Variants in CHN2 observed in about 807,000 individuals in gnomAD.
CHN2 encodes chimerin 2.
A neutral mutation model predicts 56.3 loss-of-function variants in CHN2; 35 were observed. That is an observed-to-expected ratio of 0.62 (90% confidence interval 0.47 to 0.82). The LOEUF (loss-of-function observed/expected upper bound fraction) is 0.82. Among genes scored for constraint, CHN2 ranks in the 40% least tolerant of loss-of-function variants. CHN2 has a pLI of 0.00. For synonymous variants in CHN2, 210 were observed against 212.8 expected, an observed-to-expected ratio of 0.99 and a Z score of 0.12; for missense variants, 491 against 580.5, an observed-to-expected ratio of 0.85 and a Z score of 1.58.
chr7:29,375,044 C>T (rs543937566), intron 3 of CHN2, among the ~76,000 whole-genome samples: 4 of 151,576 alleles, frequency 2.6e-5, no homozygotes, highest in Non-Finnish European at 2.9e-5. Context: ...TGTGCCACCA[C>T]ACCCAGCTAA....
intron 2 of CHN2, among the ~76,000 whole-genome samples, chr7:29,160,728 T>C (rs572181958): frequency 1.3e-5 from 2 of 152,262 alleles, no homozygotes; most frequent in East Asian, 3.9e-4. Flanking sequence ...AAACCACATA[T>C]GCACTGAGGC....
intron 1 of CHN2, among the ~76,000 whole-genome samples, chr7:29,323,929 G>A (rs551305510): frequency 6.2e-4 from 94 of 152,142 alleles, no homozygotes; most frequent in African/African-American, 2.0e-3. Context: ...GCGTGAACCC[G>A]GGAGGCGGAG....
chr7:29,336,100 C>T (rs549099037), intron 1 of CHN2: 5 of 152,214 alleles, frequency 3.3e-5, no homozygotes, highest in African/African-American at 9.6e-5. Context: ...GCTAATGGGC[C>T]GTTTGCCTAC....
At chr7:29,310,164 T>A (rs188275886) in intron 1 of CHN2, among the ~76,000 whole-genome samples, 3 of 152,160 alleles carry the variant, frequency 2.0e-5, no homozygotes, top group Non-Finnish European at 1.5e-5. Flanking sequence ...AAATCAAGTA[T>A]GTGGACAAAG....
rs61063244 is a variant in CHN2 at position 29,259,326 on chromosome 7, CAA to C, written c.49+64345_49+64346del. The stretch of plus-strand genomic sequence containing the variant: ...TGGGTGACGGACTGAGACCTTGTCT[CAA>C]AAAAAAAACCCAAACAAACAAACAT... On this transcript the variant is annotated intron_variant, in intron 1 of 12. Transcript: ENST00000222792. Among the ~76,000 whole-genome samples, 10 of 147,136 alleles carry C rather than the reference CAA, an allele frequency of 6.8e-5. No homozygotes were observed. The South Asian group carries it at 1.3e-3, about 19-fold the overall frequency.
intron 1 of CHN2, among the ~76,000 whole-genome samples, chr7:29,264,609 G>A (rs1345401079): frequency 2.0e-5 from 3 of 152,118 alleles, no homozygotes; most frequent in Admixed American, 6.5e-5. Flanking sequence ...GATGCTTGAA[G>A]GCAGCATACT....
At chr7:29,306,921 G>C (rs1794213940) in intron 1 of CHN2, among the ~76,000 whole-genome samples, 1 of 152,192 alleles carries the variant, frequency 6.6e-6, no homozygotes, top group Non-Finnish European at 1.5e-5. Flanking sequence ...GAAGCATGTG[G>C]AATAATTAGC....
At chr7:29,349,929 T>C (rs987245626) in intron 1 of CHN2, among the ~76,000 whole-genome samples, 2 of 152,334 alleles carry the variant, frequency 1.3e-5, no homozygotes, top group South Asian at 2.1e-4. Flanking sequence ...CTATTTCCAG[T>C]ACCTTGTATC....
intron 3 of CHN2, among the ~76,000 whole-genome samples, chr7:29,382,412 T>C (rs777618328): frequency 1.3e-5 from 2 of 152,220 alleles, no homozygotes; most frequent in African/African-American, 2.4e-5. Flanking sequence ...GAACAAGTTT[T>C]GTCCCGTAGC....
rs553108252 is a variant in CHN2 at position 29,163,991 on chromosome 7, T to A, written c.274+17031T>A. ...GCTGCTGTTAACATTCGTGGACAAG[T>A]CCTTATGTGGACATATGCTTTCGTT... is the stretch of plus-strand genomic sequence containing the variant. On this transcript the variant is annotated intron_variant, in intron 2 of 6. Coordinates refer to the CHN2 transcript ENST00000439384. 2.6e-5 allele frequency among the ~76,000 whole-genome samples: 4 copies of A among 152,362 alleles called. No homozygotes were observed. In the East Asian group the frequency reaches 7.7e-4, roughly 29 times the overall value.
At chr7:29,156,127 GAAAACCAT>G (rs1443940221) in intron 2 of CHN2, among the ~76,000 whole-genome samples, 5 of 152,210 alleles carry the variant, frequency 3.3e-5, no homozygotes, top group African/African-American at 4.8e-5. Context: ...GAGAAAACTG[GAAAACCAT>G]ATATTTACTT....
At chr7:29,275,875 A>G (rs1211665697) in intron 1 of CHN2, among the ~76,000 whole-genome samples, 2 of 152,110 alleles carry the variant, frequency 1.3e-5, no homozygotes, top group Non-Finnish European at 2.9e-5. Context: ...GCAGGTTGCA[A>G]TGTTGTGCTC....
intron 6 of CHN2, among the ~76,000 whole-genome samples, chr7:29,422,505 C>T (rs1173608231): frequency 2.0e-5 from 3 of 152,244 alleles, no homozygotes; most frequent in Non-Finnish European, 4.4e-5. Flanking sequence ...CCTGGCCACT[C>T]TCTGAGCAAA....
intron 1 of CHN2, among the ~76,000 whole-genome samples, chr7:29,229,178 TA>T (rs1786469999): frequency 1.3e-5 from 2 of 151,978 alleles, no homozygotes; most frequent in Non-Finnish European, 2.9e-5. Context: ...AAGGATGAGA[TA>T]AAAGAGTGAC....
chr7:29,295,379 C>A (rs544306851), intron 1 of CHN2, among the ~76,000 whole-genome samples: 26 of 149,422 alleles, frequency 1.7e-4, no homozygotes, highest in Non-Finnish European at 3.0e-4. Flanking sequence ...AAGATTATAT[C>A]ATACTTTTTT....
intron 6 of CHN2, among the ~76,000 whole-genome samples, chr7:29,413,716 A>G (rs114922846): frequency 1.5e-3 from 221 of 152,352 alleles, no homozygotes; most frequent in African/African-American, 5.0e-3. Flanking sequence ...ACGAACAGCC[A>G]GTTGCTAGAA....
intron 1 of CHN2, among the ~76,000 whole-genome samples, chr7:29,239,973 C>T (rs1428246317): frequency 6.6e-6 from 1 of 152,114 alleles, no homozygotes; most frequent in Non-Finnish European, 1.5e-5. Flanking sequence ...TAGACATTGG[C>T]AACTAACTCA....
chr7:29,280,472 G>T (rs1202973739), intron 1 of CHN2, among the ~76,000 whole-genome samples: 1 of 152,146 alleles, frequency 6.6e-6, no homozygotes, highest in Non-Finnish European at 1.5e-5. Context: ...GCTTGAGTTT[G>T]GGGGCTTGTT....
intron 6 of CHN2, among the ~76,000 whole-genome samples, chr7:29,409,796 T>C (rs899826418): frequency 6.6e-6 from 1 of 152,246 alleles, no homozygotes; most frequent in Non-Finnish European, 1.5e-5. Flanking sequence ...TCCCCAAACA[T>C]TGGTGGGCCA....
Sources: gnomAD v4.1 joint callset for allele counts (sites outside exome capture counted in the v4.1 genomes callset) on GRCh38, gnomAD v4.1.1 for gene constraint, MANE v1.5 for transcripts, NCBI Gene and HGNC (gene_info 2026-07-23, HGNC 2026-07-21) for gene names.